Variants in TMEFF1 observed in about 807,000 individuals in gnomAD.
TMEFF1 encodes transmembrane protein with EGF like and two follistatin like domains 1.
A neutral mutation model predicts 47.5 loss-of-function variants in TMEFF1; 20 were observed. The observed-to-expected ratio is 0.42, with a 90% CI of 0.30 to 0.61. TMEFF1 has a LOEUF of 0.61. Among genes scored for constraint, TMEFF1 ranks in the 20% least tolerant of loss-of-function variants. TMEFF1 has a pLI of 0.19. For synonymous variants in TMEFF1, 162 were observed against 166.3 expected (o/e 0.97, Z 0.20); for missense variants, 411 against 471.1 (o/e 0.87, Z 1.18).
chr9:100,567,970 A>G (rs925139418), intron 8 of TMEFF1, among the ~76,000 whole-genome samples: 1 of 152,290 alleles, frequency 6.6e-6, no homozygotes, highest in East Asian at 1.9e-4. Flanking sequence ...TCCAGTTTTT[A>G]AAACCATCAG....
chr9:100,482,961 C>T (rs1837368595), intron 1 of TMEFF1, among the ~76,000 whole-genome samples: 1 of 152,142 alleles, frequency 6.6e-6, no homozygotes, highest in South Asian at 2.1e-4. Flanking sequence ...GAATCACTCT[C>T]TGATGTTTTT....
intron 6 of TMEFF1, 93 bp from the exon 7 acceptor site, chr9:100,549,999 TAAG>T: frequency 7.0e-7 from 1 of 1,422,502 alleles, no homozygotes; most frequent in Non-Finnish European, 9.4e-7. Flanking sequence ...GGGCAGAGGT[TAAG>T]AAGAACTTGG....
At chr9:100,484,320 A>AT (rs773147004) in intron 1 of TMEFF1, among the ~76,000 whole-genome samples, 1,551 of 141,982 alleles carry the variant, frequency 0.011, 13 homozygotes, top group African/African-American at 0.022. Flanking sequence ...GGAACTTTAC[A>AT]TTTTTTTTTT....
chr9:100,542,906 TC>T (rs1468265154), intron 5 of TMEFF1, among the ~76,000 whole-genome samples: 1 of 151,300 alleles, frequency 6.6e-6, no homozygotes, highest in Non-Finnish European at 1.5e-5. Context: ...TTCTGACTCT[TC>T]CATCTCTCTC....
intron 1 of TMEFF1, among the ~76,000 whole-genome samples, chr9:100,480,914 T>G (rs1161096494): frequency 1.3e-5 from 2 of 152,246 alleles, no homozygotes; most frequent in African/African-American, 4.8e-5. Context: ...TGGGAATGTG[T>G]AATTCTGATT....
rs1837147538 is a variant in TMEFF1 at position 100,473,151 on chromosome 9, C to T, written c.-394C>T. The T allele has an allele frequency of 6.6e-6, 1 of 150,438 alleles. No homozygotes were observed. Among genetic ancestry groups the T allele is most frequent in the Non-Finnish European group, 1.5e-5 (1 of 67,412 alleles). 9.3% of individuals were successfully genotyped at this position (150,438 alleles called of 1,614,324 possible). A position where few individuals can be genotyped will look rare whatever the true frequency, so the allele number is the denominator to read the frequency against. On this transcript the variant is annotated 5_prime_UTR_variant, in exon 1 of 10. Transcript: ENST00000374879. The surrounding 1 kb of genome is among the most constrained non-coding windows in gnomAD (Gnocchi z 5.4). ...CGCCCCTCACCGGGCGGGCCGGGGT[C>T]TTTGTGACGCGGTGGCAACGGCCAC... is the stretch of plus-strand genomic sequence containing the variant.
intron 1 of TMEFF1, among the ~76,000 whole-genome samples, chr9:100,485,036 C>A (rs1014354425): frequency 1.3e-5 from 2 of 152,184 alleles, no homozygotes; most frequent in Non-Finnish European, 2.9e-5. Flanking sequence ...TAAATGGAAT[C>A]ATACAATATG....
At chr9:100,526,330 G>C (rs990086997) in intron 5 of TMEFF1, among the ~76,000 whole-genome samples, 8 of 151,836 alleles carry the variant, frequency 5.3e-5, no homozygotes, top group Non-Finnish European at 1.2e-4. Flanking sequence ...CTTCCATTTT[G>C]AAAAATTTTC....
At chr9:100,476,699 G>GT (rs60623249) in intron 1 of TMEFF1, among the ~76,000 whole-genome samples, 4,742 of 115,756 alleles carry the variant, frequency 0.041, 255 homozygotes, top group African/African-American at 0.12. Context: ...GGCCTATTTC[G>GT]TTTTTTTTTT....
At position 100,503,117 on chromosome 9, in the gene TMEFF1, G is replaced by A. The variant is rs1251715564; in HGVS notation, c.306+4243G>A. On this transcript the variant is annotated intron_variant, in intron 2 of 9. Coordinates refer to ENST00000374879, the MANE Select transcript of TMEFF1 (RefSeq NM_003692.5). ...AAACCCTTCTCTGCTGGATGCTTTA[G>A]CAGTATCTTTCAATTCATTTTAAAA... 2.6e-5 allele frequency among the ~76,000 whole-genome samples: 4 copies of A among 152,282 alleles called. No homozygotes were observed. In the East Asian group the frequency reaches 7.7e-4, roughly 29 times the overall value.
chr9:100,522,430 CTTTTTTTTT>C (rs869111876), intron 5 of TMEFF1, among the ~76,000 whole-genome samples: 5 of 69,642 alleles, frequency 7.2e-5, no homozygotes, highest in South Asian at 5.9e-4. Context: ...GAAATATCTT[CTTTTTTTTT>C]TTTTTTTTTT....
intron 7 of TMEFF1, among the ~76,000 whole-genome samples, chr9:100,559,380 C>T (rs914930900): frequency 1.3e-5 from 2 of 152,094 alleles, no homozygotes; most frequent in South Asian, 2.1e-4. Flanking sequence ...ACAAGGTGAT[C>T]AGTAGATGAT....
At position 100,550,107 on chromosome 9, in the gene TMEFF1, C is replaced by G. The variant is rs751302016; in HGVS notation, c.722C>G (p.Thr241Ser). 6.2e-7 allele frequency: 1 copy of G among 1,610,846 alleles called. No individual in the cohort carries two copies. The highest frequency in any genetic ancestry group is 8.5e-7 in the Non-Finnish European group (1 of 1,178,720). ...HLGHCTDTDD[T>S]SLLGKKDDGL... Reference sequence around the variant, plus strand: ...TCTTCTCTTACAGATACAGATGACACTAGTTTGTTGGGAAAGAAAGATGAT... The same window carrying G: ...TCTTCTCTTACAGATACAGATGACAGTAGTTTGTTGGGAAAGAAAGATGAT... Residue 241 changes from threonine to serine, a missense_variant, in exon 7 of 10, where the codon ACT becomes AGT. Physicochemically the swap from Thr to Ser is moderately conservative, Grantham distance 58. Transcript: ENST00000374879.
chr9:100,561,552 A>G (rs763164688), intron 8 of TMEFF1, 32 bp downstream of exon 8: 2 of 1,586,594 alleles, frequency 1.3e-6, no homozygotes, highest in South Asian at 1.2e-5. Flanking sequence ...AGTGGTGAGC[A>G]TTTTTTTTCA....
chr9:100,574,390 A>G (rs949794222), intron 9 of TMEFF1, among the ~76,000 whole-genome samples: 12 of 152,050 alleles, frequency 7.9e-5, no homozygotes, highest in African/African-American at 2.9e-4. Context: ...GCCTGGAGAT[A>G]GTGCCTTTAT....
intron 5 of TMEFF1, among the ~76,000 whole-genome samples, chr9:100,532,968 G>T (rs1279427680): frequency 1.3e-5 from 2 of 151,458 alleles, no homozygotes; most frequent in African/African-American, 4.8e-5. Flanking sequence ...AATCATCATT[G>T]TCAGTAAACT....
At chr9:100,568,705 C>T (rs1236293704) in intron 8 of TMEFF1, among the ~76,000 whole-genome samples, 1 of 152,046 alleles carries the variant, frequency 6.6e-6, no homozygotes, top group East Asian at 1.9e-4. Context: ...ACCTCATACC[C>T]TTTAGCTTTT....
chr9:100,567,120 G>A (rs903557970), intron 8 of TMEFF1, among the ~76,000 whole-genome samples: 28 of 152,180 alleles, frequency 1.8e-4, no homozygotes, highest in Non-Finnish European at 1.5e-5. Flanking sequence ...CTACAGTTTT[G>A]TCTCTTCACC....
intron 1 of TMEFF1, among the ~76,000 whole-genome samples, chr9:100,495,222 T>C (rs1045162102): frequency 3.3e-5 from 5 of 152,228 alleles, no homozygotes; most frequent in African/African-American, 1.2e-4. Flanking sequence ...ATTGTTTTCC[T>C]AGATAAAAAC....
Sources: allele counts gnomAD v4.1 joint callset (sites outside exome capture counted in the v4.1 genomes callset), GRCh38; gene constraint gnomAD v4.1.1; non-coding constraint Gnocchi (gnomAD v3.1); transcripts MANE v1.5; gene names NCBI Gene and HGNC (gene_info 2026-07-23, HGNC 2026-07-21).